ANKRD30BL: variants seen among roughly 807,000 people sequenced by gnomAD.
ANKRD30BL encodes putative ankyrin repeat domain-containing protein 30B-like.
Under a neutral mutation model 18.4 loss-of-function variants are expected in ANKRD30BL, and 20 were observed. The ratio of observed to expected loss-of-function variants is 1.09; its 90% CI spans 0.77 to 1.58. The LOEUF is 1.58. ANKRD30BL is among the 40% of genes most tolerant of loss of function. The pLI, the probability that ANKRD30BL is intolerant of heterozygous loss-of-function variation, is 0.00. For missense variants in ANKRD30BL, 224 were observed against 268.6 expected (o/e 0.83, Z 1.16); for synonymous variants, 72 against 100.9 (o/e 0.71, Z 1.72).
At chr2:132,167,617 C>T (rs114162480) in intron 1 of ANKRD30BL, among the ~76,000 whole-genome samples, 5,211 of 152,250 alleles carry the variant, frequency 0.034, 133 homozygotes, top group Non-Finnish European at 0.053. Context: ...CCTGCCTCCT[C>T]TTATTTTAAT....
rs1235950877 is a variant in ANKRD30BL, at chr2:132,185,852, A to T, written n.442-28706T>A. 3.3e-5 allele frequency among the ~76,000 whole-genome samples: 5 copies of T among 152,336 alleles called. No individual in the cohort carries two copies. The South Asian group carries it at 6.2e-4, about 19-fold the overall frequency. ...ACTAAATTATCCTTTCAAAATAATT[A>T]AAAAAGAGCCAGGTGCAGTAGCTCA... On this transcript the variant is annotated intron_variant and non_coding_transcript_variant, in intron 1 of 4. Coordinates refer to the ANKRD30BL transcript ENST00000470729.
intron 1 of ANKRD30BL, among the ~76,000 whole-genome samples, chr2:132,201,064 A>C (rs1241976203): frequency 1.3e-5 from 2 of 152,136 alleles, no homozygotes; most frequent in African/African-American, 2.4e-5. Flanking sequence ...CTATTTAATA[A>C]ATGGTTCTGG....
At chr2:132,162,569 G>A (rs1688103549), upstream of ANKRD30BL, among the ~76,000 whole-genome samples, 1 of 152,218 alleles carries the variant, frequency 6.6e-6, no homozygotes, top group Non-Finnish European at 1.5e-5. Flanking sequence ...GCCTGACTTA[G>A]GCGCAGTGGC....
chr2:132,252,519 G>T (rs796485781), intron 1 of ANKRD30BL, among the ~76,000 whole-genome samples: 1 of 149,766 alleles, frequency 6.7e-6, no homozygotes, highest in African/African-American at 2.4e-5. Context: ...CAGACACACC[G>T]TGACGTGCCG....
Position 132,161,857 on chromosome 2 carries a change from C to T in ANKRD30BL, c.-152G>A, listed in dbSNP as rs1360014335. 4.9e-6 allele frequency: 3 copies of T among 606,950 alleles called. No individual in the cohort carries two copies. The highest frequency in any genetic ancestry group is 8.9e-6 in the Non-Finnish European group (3 of 335,290). The allele number at this position is 606,950 out of a possible 1,614,324, so 37.6% of individuals were successfully genotyped here. A position where few individuals can be genotyped will look rare whatever the true frequency, so the allele number is the denominator to read the frequency against. ...GCCAAGCTTTTGGACACTCCAACCT[C>T]TCCCGGGAGAAAATGGCTGCGCAAA... On this transcript the variant is annotated 5_prime_UTR_variant, in exon 1 of 6. Transcript: ENST00000409867.
At chr2:132,211,224 T>G (rs1412498612) in intron 1 of ANKRD30BL, among the ~76,000 whole-genome samples, 1 of 152,104 alleles carries the variant, frequency 6.6e-6, no homozygotes, top group Non-Finnish European at 1.5e-5. Context: ...AGGAAATACC[T>G]TCACATAAAA....
At chr2:132,218,104 G>A (rs1290878006) in intron 1 of ANKRD30BL, among the ~76,000 whole-genome samples, 24 of 151,856 alleles carry the variant, frequency 1.6e-4, no homozygotes, top group Middle Eastern at 3.5e-3. Flanking sequence ...GTCTTCATTG[G>A]AAACGGGTAT....
chr2:132,240,145 A>G (rs1169027067), intron 1 of ANKRD30BL, among the ~76,000 whole-genome samples: 1 of 151,770 alleles, frequency 6.6e-6, no homozygotes, highest in Non-Finnish European at 1.5e-5. Flanking sequence ...GAAAAAGGTA[A>G]TATCTTCACA....
At chr2:132,212,879 T>C (rs1279611250) in intron 1 of ANKRD30BL, among the ~76,000 whole-genome samples, 2 of 151,742 alleles carry the variant, frequency 1.3e-5, no homozygotes, top group African/African-American at 4.8e-5. Flanking sequence ...CACAGAGTTG[T>C]AACTTTCTTT....
At chr2:132,152,982 A>T (rs1687798797) in intron 4 of ANKRD30BL, among the ~76,000 whole-genome samples, 11 of 152,112 alleles carry the variant, frequency 7.2e-5, no homozygotes, top group Admixed American at 7.2e-4. Flanking sequence ...GAACTTTAAA[A>T]ACATGCAGTA....
chr2:132,187,037 G>T (rs989458517), intron 1 of ANKRD30BL, among the ~76,000 whole-genome samples: 1 of 151,928 alleles, frequency 6.6e-6, no homozygotes, highest in East Asian at 1.9e-4. Flanking sequence ...TTTCCCTCAA[G>T]GGTTGATGAT....
chr2:132,200,074 T>A (rs1166438176), intron 1 of ANKRD30BL, among the ~76,000 whole-genome samples: 1 of 152,040 alleles, frequency 6.6e-6, no homozygotes, highest in Non-Finnish European at 1.5e-5. Context: ...CGTGAAAAGG[T>A]CTTTGACAAA....
At chr2:132,207,327 C>T (rs1333861027) in intron 1 of ANKRD30BL, among the ~76,000 whole-genome samples, 1 of 151,966 alleles carries the variant, frequency 6.6e-6, no homozygotes, top group African/African-American at 2.4e-5. Flanking sequence ...TTGGCATTTA[C>T]CTGAGATTAA....
At chr2:132,195,012 C>A (rs1678934609) in intron 1 of ANKRD30BL, among the ~76,000 whole-genome samples, 1 of 152,080 alleles carries the variant, frequency 6.6e-6, no homozygotes, top group Non-Finnish European at 1.5e-5. Context: ...CTGTTCACAG[C>A]TAGTGTGAAC....
At chr2:132,216,995 C>T in intron 1 of ANKRD30BL, among the ~76,000 whole-genome samples, 1 of 151,608 alleles carries the variant, frequency 6.6e-6, no homozygotes, top group East Asian at 1.9e-4. Context: ...AGAGTTGAAC[C>T]TTTCTTTTGA....
chr2:132,160,584 G>T (rs1202007848), intron 1 of ANKRD30BL, among the ~76,000 whole-genome samples: 2 of 151,216 alleles, frequency 1.3e-5, no homozygotes, highest in African/African-American at 2.4e-5. Flanking sequence ...GACTACAGGC[G>T]CCCACCACCA....
At chr2:132,221,021 C>T (rs1444325423) in intron 1 of ANKRD30BL, among the ~76,000 whole-genome samples, 1 of 145,614 alleles carries the variant, frequency 6.9e-6, no homozygotes, top group Non-Finnish European at 1.5e-5. Flanking sequence ...GCCGCCCTGT[C>T]TGGGATGTGA....
chr2:132,212,971 G>A (rs954582601), intron 1 of ANKRD30BL, among the ~76,000 whole-genome samples: 9 of 151,892 alleles, frequency 5.9e-5, no homozygotes, highest in African/African-American at 1.7e-4. Flanking sequence ...GGTGGAAAAC[G>A]AAATATCTTC....
chr2:132,191,173 T>C (rs528961200), intron 1 of ANKRD30BL, among the ~76,000 whole-genome samples: 1 of 152,334 alleles, frequency 6.6e-6, no homozygotes, highest in African/African-American at 2.4e-5. Context: ...AATTTTGTAA[T>C]AATAAACTTT....
Sources: allele counts gnomAD v4.1 joint callset (sites outside exome capture counted in the v4.1 genomes callset), GRCh38; gene constraint gnomAD v4.1.1; transcripts MANE v1.5; gene names NCBI Gene and HGNC (gene_info 2026-07-23, HGNC 2026-07-21).